NUB1: variants seen among roughly 807,000 people sequenced by gnomAD.
NUB1 encodes negative regulator of ubiquitin like proteins 1, also known as NEDD8 ultimate buster 1.
Under a neutral mutation model 77.1 loss-of-function variants are expected in NUB1, and 41 were observed. The ratio of observed to expected loss-of-function variants is 0.53; its 90% CI spans 0.41 to 0.69. NUB1 has a LOEUF of 0.69. Ranked by LOEUF, NUB1 falls within the 30% of genes least tolerant of loss-of-function variation. The pLI, the probability that NUB1 is intolerant of heterozygous loss-of-function variation, is 0.00. For synonymous variants in NUB1, 257 were observed against 281.0 expected, an observed-to-expected ratio of 0.91 and a Z score of 0.85; for missense variants, 643 against 743.8, an observed-to-expected ratio of 0.86 and a Z score of 1.58.
intron 3 of NUB1, chr7:151,351,058 G>T (rs1357715590): frequency 1.2e-5 from 3 of 258,822 alleles, no homozygotes; most frequent in African/African-American, 6.9e-5. Context: ...ATCTGTAGCA[G>T]CAGAAAATGG....
chr7:151,376,761 C>T lies in NUB1; in HGVS notation c.1619C>T (p.Ser540Leu), dbSNP rs781573213. 1.8e-5 allele frequency: 28 copies of T among 1,595,292 alleles called. No homozygotes were observed. The highest frequency in any genetic ancestry group is 2.3e-5 in the South Asian group (2 of 88,494). The change falls in exon 14 of 15, where the codon TCG (serine) becomes TTG (leucine). Residue 540 changes from serine to leucine, a missense_variant. Ser to Leu is a moderately radical substitution (Grantham distance 145). Transcript: ENST00000568733. ...AGCCTGCCTCCCGAGCTGCCGCTGT[C>T]GCCAGAAGACTCTTTGTCCCCGCCA... Reference protein sequence around the residue: ...GGSLPPELPLSPEDSLSPPAT... With the variant: ...GGSLPPELPLLPEDSLSPPAT...
intron 2 of NUB1, among the ~76,000 whole-genome samples, chr7:151,347,799 A>G (rs944586681): frequency 1.3e-5 from 2 of 152,200 alleles, no homozygotes; most frequent in Admixed American, 1.3e-4. Context: ...CACTTTTATC[A>G]TGAACATCTC....
At position 151,349,139 on chromosome 7, in the gene NUB1, G is replaced by A; in HGVS notation, c.184G>A (p.Glu62Lys). The A allele has an allele frequency of 6.2e-7, 1 of 1,613,472 alleles. No individual in the cohort carries two copies. Residue 62 changes from glutamate (E) to lysine (K), a missense_variant, in exon 3 of 15, where the codon GAA becomes AAA. Glu to Lys is a moderately conservative substitution (Grantham distance 56, BLOSUM62 1). Coordinates refer to ENST00000568733, the MANE Select transcript of NUB1 (RefSeq NM_001243351.2). Reference sequence around the variant, plus strand: ...AAATGAAGTAGAAAAGGTAATAGAAGAAATACGTTGCAAGGCAATTGAGCG... The same window carrying A: ...AAATGAAGTAGAAAAGGTAATAGAAAAAATACGTTGCAAGGCAATTGAGCG... Reference protein sequence around the residue: ...CENEVEKVIEEIRCKAIERGT... With the variant: ...CENEVEKVIEKIRCKAIERGT...
chr7:151,376,581 G>A, intron 13 of NUB1, 53 bp from the exon 14 acceptor site: 1 of 1,511,714 alleles, frequency 6.6e-7, no homozygotes, highest in Non-Finnish European at 8.9e-7. Flanking sequence ...GCTGACGGGG[G>A]TGGCAGAAGA....
Position 151,355,926 on chromosome 7 carries a change from G to A in NUB1, c.574G>A (p.Gly192Arg), listed in dbSNP as rs1797042506. 1.9e-6 allele frequency: 3 copies of A among 1,613,870 alleles called. No individual in the cohort carries two copies. Among genetic ancestry groups the A allele is most frequent in the Non-Finnish European group, 1.7e-6 (2 of 1,179,860 alleles). ...AAAACAAATTCAGAGGACCAAGAGA[G>A]GACTAGAAATACTGGCAAAGAGAGG... ...KEKQIQRTKR[G>R]LEILAKRAAE... The change falls in exon 6 of 15, where the codon GGA (glycine) becomes AGA (arginine). Residue 192 changes from glycine (G) to arginine (R), a missense_variant. Coordinates refer to ENST00000568733, the MANE Select transcript of NUB1 (RefSeq NM_001243351.2).
chr7:151,367,702 AG>A (rs1797759944), intron 9 of NUB1, among the ~76,000 whole-genome samples, 158 bp from the exon 10 acceptor site: 1 of 152,176 alleles, frequency 6.6e-6, no homozygotes, highest in Non-Finnish European at 1.5e-5. Context: ...GATGGGGAAG[AG>A]GGGGCTTCAC....
At chr7:151,368,598 T>A (rs901145141) in intron 10 of NUB1, 137 bp from the exon 11 acceptor site, 1 of 948,542 alleles carries the variant, frequency 1.1e-6, no homozygotes, top group East Asian at 2.6e-5. Context: ...ATAACAGGCC[T>A]AGTTTAGAGA....
chr7:151,341,963 G>A (rs1269363481), intron 1 of NUB1, 117 bp downstream of exon 1: 25 of 1,332,786 alleles, frequency 1.9e-5, no homozygotes, highest in Admixed American at 4.1e-5. Context: ...CCGCGGGGCG[G>A]GGGTGAGCAG....
intron 11 of NUB1, among the ~76,000 whole-genome samples, chr7:151,371,634 C>T (rs1410969274): frequency 1.3e-5 from 2 of 152,186 alleles, no homozygotes; most frequent in African/African-American, 2.4e-5. Context: ...AACAATGTCC[C>T]ACAGAAAGTG....
At chr7:151,358,025 G>C (rs1797167966) in intron 7 of NUB1, among the ~76,000 whole-genome samples, 1 of 152,018 alleles carries the variant, frequency 6.6e-6, no homozygotes, top group South Asian at 2.1e-4. Flanking sequence ...CATCAGGCTA[G>C]AGTGCAGTGG....
intron 1 of NUB1, among the ~76,000 whole-genome samples, chr7:151,342,833 T>A (rs916994386): frequency 6.6e-6 from 1 of 152,108 alleles, no homozygotes; most frequent in African/African-American, 2.4e-5. Flanking sequence ...TTTTTAAAAA[T>A]TTTTTATTTG....
chr7:151,368,519 C>T (rs1465710016), intron 10 of NUB1, among the ~76,000 whole-genome samples: 1 of 152,204 alleles, frequency 6.6e-6, no homozygotes, highest in Non-Finnish European at 1.5e-5. Flanking sequence ...AGCCTCTTAC[C>T]TCGTGTTGTG....
At chr7:151,367,235 T>C (rs1584963380) in intron 9 of NUB1, 110 bp downstream of exon 9, 1 of 780,810 alleles carries the variant, frequency 1.3e-6, no homozygotes, top group Non-Finnish European at 2.1e-6. Context: ...ATTTTGATAG[T>C]AGTATGCAGT....
chr7:151,377,038 T>G lies in NUB1; in HGVS notation c.1670-9T>G. On this transcript the variant is annotated splice_polypyrimidine_tract_variant and intron_variant, in intron 14 of 14. Transcript: ENST00000568733. ...ATAATTCACTTACTCCTGCGGTATT[T>G]TATTGTAGGAACCTCTAGTGCCTCA... 2.6e-6 allele frequency: 4 copies of G among 1,534,702 alleles called. No homozygotes were observed. The East Asian group carries it at 7.1e-5, about 27-fold the overall frequency.
chr7:151,343,075 CTG>C (rs1421665667), intron 1 of NUB1, among the ~76,000 whole-genome samples: 1 of 152,166 alleles, frequency 6.6e-6, no homozygotes, highest in African/African-American at 2.4e-5. Flanking sequence ...AGTAGGGTTG[CTG>C]TGATATTTTA....
intron 1 of NUB1, 127 bp from the exon 2 acceptor site, chr7:151,345,220 AG>A: frequency 1.7e-6 from 1 of 588,200 alleles, no homozygotes; most frequent in Non-Finnish European, 3.0e-6. Context: ...TTTAAACCAT[AG>A]TAATTTATAT....
In NUB1 at chr7:151,374,125, AAG is replaced by A. The variant is rs748049930; in HGVS notation, c.1281_1282del (p.Lys428GlufsTer34). 5.1e-6 allele frequency: 8 copies of A among 1,567,016 alleles called. No homozygotes were observed. Among genetic ancestry groups the A allele is most frequent in the South Asian group, 1.2e-5 (1 of 84,878 alleles). ...CTGGCCCAAATAAGGAAGGAGGAAA[AAG>A]AGAAGAAAAGACGCCGCCTCGAGAA... On this transcript the variant is annotated frameshift_variant, in exon 12 of 15. Transcript: ENST00000568733. LOFTEE classifies it high-confidence loss of function.
intron 3 of NUB1, among the ~76,000 whole-genome samples, chr7:151,350,722 T>C (rs567569114): frequency 1.3e-5 from 2 of 152,366 alleles, no homozygotes; most frequent in South Asian, 4.1e-4. Flanking sequence ...ACTGGAACAA[T>C]TTGTGCCCTC....
intron 9 of NUB1, 90 bp from the exon 10 acceptor site, chr7:151,367,771 C>T (rs1797763661): frequency 4.8e-6 from 4 of 826,692 alleles, no homozygotes; most frequent in East Asian, 2.7e-5. Context: ...TGTTGCCCCT[C>T]TGGAGACCAA....
Sources: gnomAD v4.1 joint callset for allele counts (sites outside exome capture counted in the v4.1 genomes callset) on GRCh38, gnomAD v4.1.1 for gene constraint, MANE v1.5 for transcripts, NCBI Gene and HGNC (gene_info 2026-07-23, HGNC 2026-07-21) for gene names.